ABCD2: variants seen among roughly 807,000 people sequenced by gnomAD.
ABCD2 encodes the protein ATP-binding cassette sub-family D member 2.
In ABCD2, 36 loss-of-function variants were observed where a neutral mutation model predicts 70.9. The observed-to-expected ratio is 0.51, with a 90% CI of 0.39 to 0.67. ABCD2 has a LOEUF of 0.67. Among genes scored for constraint, ABCD2 ranks in the 30% least tolerant of loss-of-function variants. The pLI is 0.00. For missense variants in ABCD2, 729 were observed against 890.2 expected (o/e 0.82, Z 2.30); for synonymous variants, 304 against 306.9 (o/e 0.99, Z 0.10).
At chr12:39,607,752 T>TG in intron 2 of ABCD2, 38 bp from the exon 3 acceptor site, 2 of 1,340,686 alleles carry the variant, frequency 1.5e-6, no homozygotes, top group East Asian at 4.8e-5. Context: ...TGAGTTTTTT[T>TG]TTTTTTTTTT....
chr12:39,540,076 C>T, the ABCD2 span, among the ~76,000 whole-genome samples: 1 of 152,196 alleles, frequency 6.6e-6, no homozygotes, highest in Admixed American at 6.5e-5. Flanking sequence ...TCTGTCAGAC[C>T]ACATCGTCTG....
chr12:39,557,084 T>A (rs1591964049), intron 9 of ABCD2, among the ~76,000 whole-genome samples: 1 of 152,228 alleles, frequency 6.6e-6, no homozygotes, highest in African/African-American at 2.4e-5. Flanking sequence ...TGGGAAGATG[T>A]GGGAAAGTTT....
the ABCD2 span, among the ~76,000 whole-genome samples, chr12:39,539,367 A>G: frequency 6.6e-6 from 1 of 152,178 alleles, no homozygotes; most frequent in Admixed American, 6.5e-5. Flanking sequence ...TAATTAGCTA[A>G]TTGTAAGCTC....
chr12:39,534,888 GAAA>G, the ABCD2 span, among the ~76,000 whole-genome samples: 32 of 3,448 alleles, frequency 9.3e-3, no homozygotes, highest in East Asian at 0.042. Flanking sequence ...AGGAAGGAAA[GAAA>G]GAAAGAAAGA....
At chr12:39,531,172 G>A in the ABCD2 span, among the ~76,000 whole-genome samples, 16 of 152,208 alleles carry the variant, frequency 1.1e-4, no homozygotes, top group East Asian at 2.3e-3. Flanking sequence ...GGGGTAGGAG[G>A]GTTGCATTTT....
Position 39,615,670 on chromosome 12 carries a change from C to G in ABCD2, c.1120+1318G>C, listed in dbSNP as rs774376487. Among the ~76,000 whole-genome samples, 140 of 152,048 alleles carry G rather than the reference C, an allele frequency of 9.2e-4. 1 individual carries two copies. Among genetic ancestry groups the G allele is most frequent in the Non-Finnish European group, 5.4e-4 (37 of 67,900 alleles). On this transcript the variant is annotated intron_variant, in intron 2 of 9. Transcript: ENST00000308666. ...AGAAAGGCTGACAAATACTAACTTACTGAAATGAACATATTTATGTTAAGA... is the reference window on the plus strand; with the variant it reads ...AGAAAGGCTGACAAATACTAACTTAGTGAAATGAACATATTTATGTTAAGA...
chr12:39,586,371 C>T, intron 6 of ABCD2, 74 bp from the exon 7 acceptor site: 1 of 1,461,124 alleles, frequency 6.8e-7, no homozygotes, highest in Non-Finnish European at 9.3e-7. Flanking sequence ...ACTTGGTAGT[C>T]TGAAAACATC....
At position 39,586,185 on chromosome 12, in the gene ABCD2, C is replaced by A; in HGVS notation, c.1759G>T (p.Val587Phe). ...CTTTGAACTATGTGATAGAGATGGA[C>A]ATTGTGTAGGATACGTTCCAGATCT... ...DQDLERILHN[V>F]HLYHIVQREG... Residue 587 changes from valine (V) to phenylalanine (F), a missense_variant, in exon 7 of 10, where the codon GTC (valine) becomes TTC (phenylalanine). Transcript: ENST00000308666. 1 of 1,613,114 alleles carries A rather than the reference C, an allele frequency of 6.2e-7. No individual in the cohort carries two copies. Among genetic ancestry groups the A allele is most frequent in the Non-Finnish European group, 8.5e-7 (1 of 1,179,430 alleles).
chr12:39,533,058 A>G, the ABCD2 span, among the ~76,000 whole-genome samples: 94,892 of 151,612 alleles, frequency 0.63, 31,745 homozygotes, highest in East Asian at 0.87. Flanking sequence ...CCAGCTACTC[A>G]GGAGGCTGAG....
intron 5 of ABCD2, among the ~76,000 whole-genome samples, chr12:39,602,127 TTTTA>T (rs78767678): frequency 0.065 from 9,509 of 145,216 alleles, 752 homozygotes; most frequent in African/African-American, 0.19. Flanking sequence ...TTTTTAAAAA[TTTTA>T]TTTATTTATT....
At chr12:39,576,306 C>G (rs1028838480) in intron 8 of ABCD2, among the ~76,000 whole-genome samples, 1 of 152,090 alleles carries the variant, frequency 6.6e-6, no homozygotes, top group Admixed American at 6.6e-5. Flanking sequence ...ACTATAGGCG[C>G]CCGCCACCAT....
chr12:39,556,998 G>A (rs942179540), intron 9 of ABCD2, among the ~76,000 whole-genome samples: 4 of 142,922 alleles, frequency 2.8e-5, no homozygotes, highest in Admixed American at 6.9e-5. Context: ...AAAAAAAAAA[G>A]ATTCCCAAAA....
chr12:39,581,757 G>T (rs564230799), intron 7 of ABCD2, among the ~76,000 whole-genome samples: 11 of 152,196 alleles, frequency 7.2e-5, no homozygotes, highest in African/African-American at 2.4e-4. Context: ...CACGTTCTTT[G>T]TTCTACTAAA....
chr12:39,579,776 T>C (rs1470806262), intron 7 of ABCD2, among the ~76,000 whole-genome samples, 157 bp from the exon 8 acceptor site: 1 of 152,214 alleles, frequency 6.6e-6, no homozygotes, highest in Non-Finnish European at 1.5e-5. Flanking sequence ...GAGCCTCATG[T>C]ATAAGCATTT....
chr12:39,598,095 G>A (rs1391563321), intron 6 of ABCD2, among the ~76,000 whole-genome samples: 1 of 152,098 alleles, frequency 6.6e-6, no homozygotes, highest in Non-Finnish European at 1.5e-5. Context: ...TTTCCTTAGT[G>A]GTTCACTTCT....
At chr12:39,568,665 G>A (rs531671450) in intron 9 of ABCD2, among the ~76,000 whole-genome samples, 2 of 152,256 alleles carry the variant, frequency 1.3e-5, no homozygotes, top group African/African-American at 4.8e-5. Flanking sequence ...TTCCGTTGCT[G>A]GTGAGGAGCT....
chr12:39,600,504 T>C, intron 6 of ABCD2, 67 bp downstream of exon 6: 1 of 1,373,250 alleles, frequency 7.3e-7, no homozygotes, highest in Non-Finnish European at 9.9e-7. Flanking sequence ...ACTGAGGAAC[T>C]TGAGGAATCA....
intron 9 of ABCD2, among the ~76,000 whole-genome samples, chr12:39,557,355 G>A (rs1941184351): frequency 6.6e-6 from 1 of 152,148 alleles, no homozygotes; most frequent in African/African-American, 2.4e-5. Context: ...TAATCTGGGT[G>A]CTCTTAAAAG....
the ABCD2 span, among the ~76,000 whole-genome samples, chr12:39,532,651 A>T: frequency 3.3e-5 from 5 of 152,222 alleles, no homozygotes; most frequent in Non-Finnish European, 2.9e-5. Context: ...CGCAGTCTTG[A>T]TAGCAGTATT....
Sources: gnomAD v4.1 joint callset for allele counts (sites outside exome capture counted in the v4.1 genomes callset) on GRCh38, gnomAD v4.1.1 for gene constraint, MANE v1.5 for transcripts, NCBI Gene and HGNC (gene_info 2026-07-23, HGNC 2026-07-21) for gene names.